CLGN: variants seen among roughly 807,000 people sequenced by gnomAD.
The protein encoded by CLGN is calmegin, also known as testis tissue sperm-binding protein Li 79P.
CLGN carries 62 observed loss-of-function variants against 79.1 expected under a neutral mutation model. The ratio of observed to expected loss-of-function variants is 0.78; its 90% CI spans 0.64 to 0.97. The LOEUF (loss-of-function observed/expected upper bound fraction) is 0.97. CLGN is among the 50% of genes least tolerant of loss of function. CLGN has a pLI of 0.00. For missense variants in CLGN, 647 were observed against 715.5 expected (o/e 0.90, Z 1.09); for synonymous variants, 225 against 224.7 (o/e 1.00, Z -0.01).
At chr4:140,402,323 A>AT (rs1011382407) in intron 5 of CLGN, among the ~76,000 whole-genome samples, 10 of 152,114 alleles carry the variant, frequency 6.6e-5, no homozygotes, top group Admixed American at 6.5e-4. Flanking sequence ...ATTTGTTTAA[A>AT]TTTTTTTCCA....
intron 1 of CLGN, among the ~76,000 whole-genome samples, chr4:140,421,308 A>C (rs944874191): frequency 6.6e-6 from 1 of 152,098 alleles, no homozygotes; most frequent in African/African-American, 2.4e-5. Context: ...AATTCTTTTG[A>C]GTATATACCC....
At chr4:140,423,643 C>G (rs1344077530) in intron 1 of CLGN, among the ~76,000 whole-genome samples, 1 of 152,170 alleles carries the variant, frequency 6.6e-6, no homozygotes, top group Non-Finnish European at 1.5e-5. Flanking sequence ...CCAGTGAAGC[C>G]ACCTAGTCCT....
intron 1 of CLGN, among the ~76,000 whole-genome samples, chr4:140,419,008 G>T (rs1279398982): frequency 6.6e-6 from 1 of 152,108 alleles, no homozygotes; most frequent in Non-Finnish European, 1.5e-5. Context: ...ATACACCATG[G>T]AATACTATGC....
rs755276230 is a variant in CLGN, at chr4:140,392,207, T to C, written c.1651+12A>G. ...CCAGAGTCTCCATTATAAATCACTCTCATCATCTTACCTTTTTCAAGCATT... is the reference window on the plus strand; with the variant it reads ...CCAGAGTCTCCATTATAAATCACTCCCATCATCTTACCTTTTTCAAGCATT... On this transcript the variant is annotated intron_variant, in intron 13 of 14. Transcript: ENST00000325617. The C allele has an allele frequency of 3.1e-6, 5 of 1,611,520 alleles. No homozygotes were observed. Among genetic ancestry groups the C allele is most frequent in the Non-Finnish European group, 4.2e-6 (5 of 1,179,002 alleles).
chr4:140,418,806 G>A (rs1476306461), intron 1 of CLGN, among the ~76,000 whole-genome samples: 1 of 151,226 alleles, frequency 6.6e-6, no homozygotes, highest in Non-Finnish European at 1.5e-5. Flanking sequence ...GATTCCTCAG[G>A]GATCTAGAAC....
chr4:140,392,821 T>A, intron 11 of CLGN, 110 bp from the exon 12 acceptor site: 1 of 994,234 alleles, frequency 1.0e-6, no homozygotes, highest in Non-Finnish European at 1.4e-6. Flanking sequence ...TAAGGAGTGA[T>A]GAACTCGTAA....
Position 140,400,558 on chromosome 4 carries a change from A to G in CLGN, c.502-9T>C, listed in dbSNP as rs377557705. ...TTATCATAAAAGTTTTCCTTCAAAG[A>G]GAGATGAGTGTTGGCATTAGTCCAG... On this transcript the variant is annotated splice_polypyrimidine_tract_variant and intron_variant, in intron 6 of 14. Transcript: ENST00000325617. 6.4e-7 allele frequency: 1 copy of G among 1,558,674 alleles called. No individual in the cohort carries two copies. The highest frequency in any genetic ancestry group is 1.4e-5 in the African/African-American group (1 of 73,078).
At chr4:140,403,201 T>G (rs1288868919) in intron 5 of CLGN, among the ~76,000 whole-genome samples, 1 of 152,200 alleles carries the variant, frequency 6.6e-6, no homozygotes, top group Non-Finnish European at 1.5e-5. Flanking sequence ...AGAGTTATTC[T>G]TGATTCTGCC....
intron 1 of CLGN, among the ~76,000 whole-genome samples, chr4:140,417,794 TCAATGCCATCCCCATCAAGCTAC>T (rs1456202779): frequency 1.3e-5 from 2 of 149,590 alleles, no homozygotes; most frequent in African/African-American, 4.9e-5. Context: ...ATTTACAGAT[TCAATGCCATCCCCATCAAGCTAC>T]CAATGCCTTT....
intron 7 of CLGN, among the ~76,000 whole-genome samples, chr4:140,399,770 A>G (rs985742243): frequency 2.6e-5 from 4 of 152,194 alleles, no homozygotes; most frequent in African/African-American, 9.6e-5. Flanking sequence ...ACAACTGCTT[A>G]TGATGTCCCT....
At position 140,389,269 on chromosome 4, in the gene CLGN, A is replaced by T; in HGVS notation, c.1788T>A (p.Asp596Glu). Residue 596 changes from aspartate (D) to glutamate (E), a missense_variant, in exon 15 of 15, where the codon GAT becomes GAA. Physicochemically the swap from Asp to Glu is conservative, Grantham distance 45. Coordinates refer to ENST00000325617, the MANE Select transcript of CLGN (RefSeq NM_004362.3). Reference protein sequence around the residue: ...KEADESTGSGDGPIKSVRKRR... With the variant: ...KEADESTGSGEGPIKSVRKRR... ...TTTTGCGTACTGACTTTATCGGCCC[A>T]TCTCCAGATCCTGTGCTCTCATCTG... 3 of 1,612,526 alleles carry T rather than the reference A, an allele frequency of 1.9e-6. No homozygotes were observed. Among genetic ancestry groups the T allele is most frequent in the Non-Finnish European group, 1.7e-6 (2 of 1,178,902 alleles).
At chr4:140,410,660 C>T in intron 2 of CLGN, 34 bp from the exon 3 acceptor site, 2 of 1,250,636 alleles carry the variant, frequency 1.6e-6, no homozygotes, top group Non-Finnish European at 2.3e-6. Flanking sequence ...TAAAGTTATT[C>T]ATTTTCACAA....
intron 6 of CLGN, among the ~76,000 whole-genome samples, chr4:140,400,853 G>T (rs933340412): frequency 2.0e-5 from 3 of 152,038 alleles, no homozygotes; most frequent in Non-Finnish European, 4.4e-5. Context: ...TTTATTGAGA[G>T]AATTAGGCAT....
intron 10 of CLGN, among the ~76,000 whole-genome samples, chr4:140,395,455 A>G (rs1395742726): frequency 6.6e-6 from 1 of 152,162 alleles, no homozygotes; most frequent in Non-Finnish European, 1.5e-5. Flanking sequence ...CAAAAATCAG[A>G]ATTTTAATAA....
chr4:140,396,189 C>T lies in CLGN; in HGVS notation c.901G>A (p.Ala301Thr), dbSNP rs1728870795. The change falls in exon 9 of 15, where the codon GCC (alanine) becomes ACC (threonine). Residue 301 changes from alanine (A) to threonine (T), a missense_variant. By Grantham distance (58) the Ala-to-Thr change is moderately conservative. Coordinates refer to ENST00000325617, the MANE Select transcript of CLGN (RefSeq NM_004362.3). ...ACAACACTTGAATCTTCTATTTGGG[C>T]AGGTTCACTTTCATCCCTGTAAATA... ...KPEDWDESEP[A>T]QIEDSSVVKP... is the part of the protein sequence containing the mutation. 1 of 1,613,940 alleles carries T rather than the reference C, an allele frequency of 6.2e-7. No individual in the cohort carries two copies.
At position 140,396,132 on chromosome 4, in the gene CLGN, T is replaced by C. The variant is rs368281076; in HGVS notation, c.958A>G (p.Lys320Glu). ...TCAGCATTAGGATCAGGGATAAATT[T>C]TGGTTCATCATCAAGCCAGCCAGCA... ...KPAGWLDDEPKFIPDPNAEKP... is the reference protein window; with the variant it reads ...KPAGWLDDEPEFIPDPNAEKP... The change falls in exon 9 of 15, where the codon AAA becomes GAA. Residue 320 changes from lysine (K) to glutamate (E), a missense_variant. Physicochemically the swap from Lys to Glu is moderately conservative, Grantham distance 56 (BLOSUM62 1). Transcript: ENST00000325617. 3 of 1,614,042 alleles carry C rather than the reference T, an allele frequency of 1.9e-6. No individual in the cohort carries two copies. Among genetic ancestry groups the C allele is most frequent in the African/African-American group, 2.7e-5 (2 of 74,908 alleles).
chr4:140,400,599 A>C (rs1298785765), intron 6 of CLGN, 50 bp from the exon 7 acceptor site: 29 of 1,202,682 alleles, frequency 2.4e-5, no homozygotes, highest in Non-Finnish European at 3.4e-5. Flanking sequence ...CAGACTATTT[A>C]ATGCATTTCT....
chr4:140,396,907 GTATATATATA>G (rs10640037), intron 8 of CLGN, among the ~76,000 whole-genome samples: 1 of 117,348 alleles, frequency 8.5e-6, no homozygotes, highest in African/African-American at 3.4e-5. Flanking sequence ...ATATATATAT[GTATATATATA>G]TATATACACA....
chr4:140,413,632 T>C (rs1038788281), intron 1 of CLGN, among the ~76,000 whole-genome samples: 1 of 152,182 alleles, frequency 6.6e-6, no homozygotes, highest in African/African-American at 2.4e-5. Context: ...CCCACCGGAA[T>C]ACTGCGCTTT....
Sources: allele counts gnomAD v4.1 joint callset (sites outside exome capture counted in the v4.1 genomes callset), GRCh38; gene constraint gnomAD v4.1.1; transcripts MANE v1.5; gene names NCBI Gene and HGNC (gene_info 2026-07-23, HGNC 2026-07-21).